The following PTPRN2 variants were observed in gnomAD, a reference collection of about 807,000 sequenced individuals.
PTPRN2 encodes protein tyrosine phosphatase receptor type N2.
Under a neutral mutation model 118.8 loss-of-function variants are expected in PTPRN2, and 74 were observed. The observed-to-expected ratio is 0.62, with a 90% CI of 0.52 to 0.76. The LOEUF (loss-of-function observed/expected upper bound fraction) is 0.76. PTPRN2 is among the 30% of genes least tolerant of loss of function. PTPRN2 has a pLI of 0.00. For synonymous variants in PTPRN2, 641 were observed against 608.0 expected, an observed-to-expected ratio of 1.05 and a Z score of -0.80; for missense variants, 1,481 against 1,394.4, an observed-to-expected ratio of 1.06 and a Z score of -0.99.
intron 11 of PTPRN2, among the ~76,000 whole-genome samples, chr7:157,970,722 T>A (rs1347389): frequency 0.21 from 30,385 of 145,016 alleles, 3,110 homozygotes; most frequent in African/African-American, 0.23. Context: ...ACAACACACA[T>A]GGACAGCCCA....
intron 11 of PTPRN2, among the ~76,000 whole-genome samples, chr7:157,926,589 T>C (rs113182647): frequency 0.027 from 4,065 of 152,314 alleles, 185 homozygotes; most frequent in African/African-American, 0.092. Context: ...CCCACAGCTG[T>C]GTGTTCCTGA....
At chr7:158,357,368 G>A (rs1463809160) in intron 2 of PTPRN2, among the ~76,000 whole-genome samples, 1 of 152,210 alleles carries the variant, frequency 6.6e-6, no homozygotes. Context: ...GTGATTTCAG[G>A]GGTGGTTTTG....
chr7:157,760,092 C>T (rs950347327), intron 12 of PTPRN2, among the ~76,000 whole-genome samples: 1 of 152,204 alleles, frequency 6.6e-6, no homozygotes, highest in Non-Finnish European at 1.5e-5. Flanking sequence ...AACGCCATAT[C>T]GGCATTCAGA....
intron 3 of PTPRN2, among the ~76,000 whole-genome samples, chr7:158,304,744 T>G (rs1234561475): frequency 6.6e-6 from 1 of 152,186 alleles, no homozygotes; most frequent in East Asian, 1.9e-4. Flanking sequence ...TAAGGGACTG[T>G]GGAGACCAAG....
At chr7:157,711,742 G>A (rs1422740428) in intron 12 of PTPRN2, among the ~76,000 whole-genome samples, 1 of 152,144 alleles carries the variant, frequency 6.6e-6, no homozygotes, top group African/African-American at 2.4e-5. Flanking sequence ...GGACGCAGCA[G>A]TTCTGCCGGG....
chr7:158,127,408 A>G (rs1177288301), intron 9 of PTPRN2, among the ~76,000 whole-genome samples: 1 of 151,524 alleles, frequency 6.6e-6, no homozygotes, highest in African/African-American at 2.4e-5. Flanking sequence ...GGAGCCACAC[A>G]CTGCGGCTGC....
chr7:158,392,778 C>G (rs1468361515), intron 2 of PTPRN2, among the ~76,000 whole-genome samples: 1 of 152,214 alleles, frequency 6.6e-6, no homozygotes, highest in Non-Finnish European at 1.5e-5. Context: ...TCCCGGTATC[C>G]CCTGCGGACA....
chr7:157,859,959 T>C (rs1187593914), intron 12 of PTPRN2, among the ~76,000 whole-genome samples: 4 of 67,040 alleles, frequency 6.0e-5, no homozygotes, highest in South Asian at 5.9e-4. Context: ...CCAGCCACTG[T>C]ACACACTCCT....
At chr7:157,570,426 T>C (rs1414820989) in intron 20 of PTPRN2, among the ~76,000 whole-genome samples, 3 of 152,210 alleles carry the variant, frequency 2.0e-5, no homozygotes, top group Admixed American at 1.3e-4. Flanking sequence ...AAAACACACA[T>C]GCTTCTTGAT....
In PTPRN2 at chr7:157,671,167, G is replaced by A. The variant is rs7784842; in HGVS notation, c.2001+11558C>T. Reference sequence around the variant, plus strand: ...CATCAAGATCTTAGTTCAATGTATCGATTCATTCTTATCGAGCATGTAAAG... The same window carrying A: ...CATCAAGATCTTAGTTCAATGTATCAATTCATTCTTATCGAGCATGTAAAG... On this transcript the variant is annotated intron_variant, in intron 13 of 22. Coordinates refer to ENST00000389418, the MANE Select transcript of PTPRN2 (RefSeq NM_002847.5). This position sits in a 1 kb window ranked among gnomAD's most constrained non-coding sequence, Gnocchi z 4.1. Among the ~76,000 whole-genome samples the A allele has an allele frequency of 0.034, 5,151 of 151,038 alleles. 287 individuals are homozygous for A. Among genetic ancestry groups the A allele is most frequent in the African/African-American group, 0.12 (4,783 of 41,050 alleles).
rs1803956414 is a variant in PTPRN2, at chr7:158,329,512, C to T, written c.164-12580G>A. On this transcript the variant is annotated intron_variant, in intron 2 of 22. Coordinates refer to ENST00000389418, the MANE Select transcript of PTPRN2 (RefSeq NM_002847.5). ...CCCCAAGGACGGCTCACGCTCCAGC[C>T]ACATGAGGACACGTGAGGAGGCACC... Among the ~76,000 whole-genome samples, 3 of 152,174 alleles carry T rather than the reference C, an allele frequency of 2.0e-5. No individual in the cohort carries two copies. In the South Asian group the frequency reaches 6.2e-4, roughly 31 times the overall value.
intron 21 of PTPRN2, among the ~76,000 whole-genome samples, chr7:157,551,680 C>T (rs1318183273): frequency 1.4e-5 from 2 of 141,432 alleles, no homozygotes; most frequent in Admixed American, 7.1e-5. Flanking sequence ...GGGCACCACA[C>T]ACCCCACAGC....
chr7:157,981,842 C>CT (rs1322392906), intron 11 of PTPRN2, among the ~76,000 whole-genome samples: 2 of 152,280 alleles, frequency 1.3e-5, no homozygotes, highest in Non-Finnish European at 2.9e-5. Context: ...TCTTCAAGGG[C>CT]TTTGCAAAGC....
At chr7:158,560,648 G>A (rs759312467) in intron 1 of PTPRN2, among the ~76,000 whole-genome samples, 3 of 152,260 alleles carry the variant, frequency 2.0e-5, no homozygotes, top group Non-Finnish European at 4.4e-5. Context: ...TGTGGCCATC[G>A]CCTCACCTTC....
At chr7:157,872,423 CCA>C (rs1465396519) in intron 12 of PTPRN2, among the ~76,000 whole-genome samples, 1 of 148,632 alleles carries the variant, frequency 6.7e-6, no homozygotes, top group Non-Finnish European at 1.5e-5. Flanking sequence ...AGTGTCTTTC[CCA>C]CACACACATA....
intron 12 of PTPRN2, among the ~76,000 whole-genome samples, chr7:157,841,905 C>CG (rs1554466855): frequency 1.3e-5 from 2 of 151,848 alleles, no homozygotes; most frequent in South Asian, 2.1e-4. Context: ...ATACAGTACC[C>CG]GGGGACTGTG....
At chr7:157,983,698 A>C (rs10949680) in intron 11 of PTPRN2, among the ~76,000 whole-genome samples, 12,833 of 152,218 alleles carry the variant, frequency 0.084, 574 homozygotes, top group South Asian at 0.19. Context: ...TTGTGAGTGT[A>C]GGCTTGAGAC....
At chr7:158,155,512 C>A (rs1390987030) in intron 6 of PTPRN2, among the ~76,000 whole-genome samples, 1 of 151,088 alleles carries the variant, frequency 6.6e-6, no homozygotes, top group East Asian at 1.9e-4. Flanking sequence ...TCACCAATGC[C>A]ATCATCACCA....
intron 10 of PTPRN2, among the ~76,000 whole-genome samples, chr7:158,089,737 G>A (rs111954336): frequency 0.024 from 2,347 of 98,086 alleles, 69 homozygotes; most frequent in Middle Eastern, 0.029. Flanking sequence ...CAAAAGAGGG[G>A]GTCTTCACAC....
Sources: allele counts gnomAD v4.1 joint callset (sites outside exome capture counted in the v4.1 genomes callset), GRCh38; gene constraint gnomAD v4.1.1; non-coding constraint Gnocchi (gnomAD v3.1); transcripts MANE v1.5; gene names NCBI Gene and HGNC (gene_info 2026-07-23, HGNC 2026-07-21).